DOCK1: variants seen among roughly 807,000 people sequenced by gnomAD.
DOCK1 encodes dedicator of cytokinesis 1.
DOCK1 carries 138 observed loss-of-function variants against 262.7 expected under a neutral mutation model. The observed-to-expected ratio is 0.53, with a 90% CI of 0.46 to 0.61. The LOEUF is 0.61. Ranked by LOEUF, DOCK1 falls within the 20% of genes least tolerant of loss-of-function variation. The probability of loss-of-function intolerance (pLI) is 0.00; values close to 1 mark genes in which losing one functional copy is unlikely to be tolerated. For synonymous variants in DOCK1, 866 were observed against 867.4 expected, an observed-to-expected ratio of 1.00 and a Z score of 0.03; for missense variants, 1,908 against 2,370.7, an observed-to-expected ratio of 0.80 and a Z score of 4.05.
chr10:126,992,975 G>A lies in DOCK1; in HGVS notation c.473+2372G>A, dbSNP rs148043234. Among the ~76,000 whole-genome samples, 223 of 152,330 alleles carry A rather than the reference G, an allele frequency of 1.5e-3. 2 individuals are homozygous for A. The highest frequency in any genetic ancestry group is 4.8e-3 in the African/African-American group (201 of 41,580). The stretch of plus-strand genomic sequence containing the variant: ...GAACACTGGTTGCTGAGAACAATGC[G>A]TAGAAGGGTTGACTGCACAGGCCAC... On this transcript the variant is annotated intron_variant, in intron 6 of 51. Coordinates refer to ENST00000623213, the MANE Select transcript of DOCK1 (RefSeq NM_001290223.2).
At chr10:126,912,556 C>G (rs1284269904) in intron 1 of DOCK1, among the ~76,000 whole-genome samples, 1 of 151,324 alleles carries the variant, frequency 6.6e-6, no homozygotes, top group Non-Finnish European at 1.5e-5. Flanking sequence ...GAAACCCTGT[C>G]TCTACTAAAA....
intron 45 of DOCK1, 75 bp downstream of exon 45, chr10:127,418,616 A>G (rs1280550682): frequency 6.6e-6 from 10 of 1,508,240 alleles, no homozygotes; most frequent in African/African-American, 1.4e-5. Flanking sequence ...AGAGTCCCCA[A>G]AGCCCAGAAA....
intron 27 of DOCK1, among the ~76,000 whole-genome samples, chr10:127,242,162 G>A (rs184960336): frequency 3.9e-5 from 6 of 152,250 alleles, no homozygotes; most frequent in African/African-American, 1.4e-4. Context: ...TTGTGGGCTT[G>A]TGCAGTTTTA....
At chr10:127,335,565 T>C (rs1173660955) in intron 29 of DOCK1, among the ~76,000 whole-genome samples, 1 of 125,946 alleles carries the variant, frequency 7.9e-6, no homozygotes, top group Non-Finnish European at 1.8e-5. Context: ...TTTTTTTTTT[T>C]GAGATGGAGT....
chr10:127,331,245 G>C (rs1453880215), intron 29 of DOCK1, among the ~76,000 whole-genome samples: 1 of 152,072 alleles, frequency 6.6e-6, no homozygotes, highest in Non-Finnish European at 1.5e-5. Flanking sequence ...CATGGTCATG[G>C]GCTGACTCAG....
chr10:127,407,230 G>A lies in DOCK1; in HGVS notation c.4123-1807G>A, dbSNP rs552060223. Among the ~76,000 whole-genome samples, 6 of 152,138 alleles carry A rather than the reference G, an allele frequency of 3.9e-5. No homozygotes were observed. In the East Asian group the frequency reaches 9.6e-4, roughly 24 times the overall value. The stretch of plus-strand genomic sequence containing the variant: ...TGCTGTAACAAAATACCTTAGACTG[G>A]GTACTTTATAAACAACAGGAATGTA... On this transcript the variant is annotated intron_variant, in intron 40 of 51. Transcript: ENST00000623213.
At chr10:127,326,332 A>T (rs2062747069) in intron 29 of DOCK1, among the ~76,000 whole-genome samples, 1 of 152,260 alleles carries the variant, frequency 6.6e-6, no homozygotes, top group African/African-American at 2.4e-5. Flanking sequence ...AAACTCGGCC[A>T]ACTGCTTTGG....
intron 21 of DOCK1, among the ~76,000 whole-genome samples, chr10:127,048,608 C>T (rs2135703592): frequency 6.6e-6 from 1 of 152,340 alleles, no homozygotes; most frequent in South Asian, 2.1e-4. Context: ...AATGCCTGCA[C>T]TGTCTAATGT....
At chr10:127,046,757 C>CAAAAAA (rs5788823) in intron 21 of DOCK1, among the ~76,000 whole-genome samples, 4 of 73,340 alleles carry the variant, frequency 5.5e-5, no homozygotes, top group Non-Finnish European at 7.3e-5. Context: ...CACTACGTCT[C>CAAAAAA]AAAAAAAAAA....
intron 27 of DOCK1, among the ~76,000 whole-genome samples, chr10:127,208,454 T>G (rs1388528044): frequency 6.6e-6 from 1 of 152,300 alleles, no homozygotes; most frequent in East Asian, 1.9e-4. Flanking sequence ...GTAATTTAGT[T>G]TCCTGTATTG....
chr10:126,944,417 G>A (rs987993089), intron 1 of DOCK1, among the ~76,000 whole-genome samples: 18 of 152,210 alleles, frequency 1.2e-4, no homozygotes, highest in Admixed American at 5.9e-4. Context: ...CGGACCTGCC[G>A]AGGCAGCTGT....
At chr10:127,274,225 G>C (rs2135212678) in intron 29 of DOCK1, among the ~76,000 whole-genome samples, 1 of 152,206 alleles carries the variant, frequency 6.6e-6, no homozygotes, top group South Asian at 2.1e-4. Context: ...GCTTGGATTT[G>C]GGGTTGTGTT....
At chr10:127,201,533 T>C (rs1172711979) in intron 27 of DOCK1, among the ~76,000 whole-genome samples, 3 of 152,216 alleles carry the variant, frequency 2.0e-5, no homozygotes, top group Non-Finnish European at 4.4e-5. Context: ...TGATGCATCA[T>C]TGTGAATCTG....
At chr10:127,132,428 T>G (rs983623105) in intron 27 of DOCK1, among the ~76,000 whole-genome samples, 3 of 152,092 alleles carry the variant, frequency 2.0e-5, no homozygotes, top group Non-Finnish European at 4.4e-5. Flanking sequence ...AACAAAAAGG[T>G]CATTTTATCT....
intron 35 of DOCK1, among the ~76,000 whole-genome samples, chr10:127,377,261 C>A (rs1028539124): frequency 1.3e-5 from 2 of 152,198 alleles, no homozygotes; most frequent in African/African-American, 4.8e-5. Context: ...TAGATACTCA[C>A]TGCCCAGCTC....
At chr10:126,985,083 C>T (rs1260294806) in intron 4 of DOCK1, among the ~76,000 whole-genome samples, 2 of 149,714 alleles carry the variant, frequency 1.3e-5, no homozygotes, top group Admixed American at 6.8e-5. Context: ...TGCGTTCAAG[C>T]GATTCTCCTG....
chr10:127,277,521 G>A (rs193061006), intron 29 of DOCK1, among the ~76,000 whole-genome samples: 126 of 152,280 alleles, frequency 8.3e-4, no homozygotes, highest in Non-Finnish European at 1.6e-3. Context: ...ACTTTGGGAG[G>A]CCGAGGCAGG....
rs1392125749 is a variant in DOCK1, at chr10:127,428,838, T to TGTGCCGTGTGGATTGGG, written c.4914+2831_4914+2847dup. 2.5e-5 allele frequency among the ~76,000 whole-genome samples: 3 copies of TGTGCCGTGTGGATTGGG among 119,500 alleles called. No individual in the cohort carries two copies. The Admixed American group carries it at 2.5e-4, about 10-fold the overall frequency. The allele number at this position is 119,500 out of a possible 152,430, so 78.4% of individuals were successfully genotyped here. On this transcript the variant is annotated intron_variant, in intron 47 of 51. Transcript: ENST00000623213. ...GTGTGGATTGGGGTACCGTGTGGAT[T>TGTGCCGTGTGGATTGGG]GTGCCGTGTGGATTGGGGTGTCGTG...
chr10:127,109,468 A>G (rs1429177659), intron 24 of DOCK1, among the ~76,000 whole-genome samples: 1 of 152,212 alleles, frequency 6.6e-6, no homozygotes, highest in Non-Finnish European at 1.5e-5. Flanking sequence ...GAAGATGTGC[A>G]GTGATCACCA....
Sources: gnomAD v4.1 joint callset for allele counts (sites outside exome capture counted in the v4.1 genomes callset) on GRCh38, gnomAD v4.1.1 for gene constraint, MANE v1.5 for transcripts, NCBI Gene and HGNC (gene_info 2026-07-23, HGNC 2026-07-21) for gene names.